Variants in TENM2 observed in about 807,000 individuals in gnomAD.
The protein encoded by TENM2 is teneurin transmembrane protein 2.
TENM2 carries 52 observed loss-of-function variants against 245.2 expected under a neutral mutation model. The ratio of observed to expected loss-of-function variants is 0.21; its 90% CI spans 0.17 to 0.27. The LOEUF (loss-of-function observed/expected upper bound fraction) is 0.27, where lower values mean the gene tolerates loss of function less well. Among genes scored for constraint, TENM2 ranks in the 10% least tolerant of loss-of-function variants. The pLI, the probability that TENM2 is intolerant of heterozygous loss-of-function variation, is 1.00. For synonymous variants in TENM2, 1,363 were observed against 1,438.9 expected (o/e 0.95, Z 1.19); for missense variants, 3,046 against 3,666.8 (o/e 0.83, Z 4.37).
At chr5:167,473,474 C>T (rs149878352) in intron 2 of TENM2, among the ~76,000 whole-genome samples, 1,967 of 152,272 alleles carry the variant, frequency 0.013, 25 homozygotes, top group Non-Finnish European at 0.022. Context: ...AAAGTTCATT[C>T]TCATTCTGAA....
At chr5:167,284,934 C>T (rs1427933560) in exon 1 of TENM2, 40 of 1,551,722 alleles carry the variant, frequency 2.6e-5, no homozygotes, top group South Asian at 3.6e-5. Flanking sequence ...TGAGGACTGC[C>T]GCGTGCCCAC....
intron 2 of TENM2, among the ~76,000 whole-genome samples, chr5:167,749,076 A>T (rs950496778): frequency 6.6e-5 from 10 of 152,190 alleles, no homozygotes; most frequent in African/African-American, 1.9e-4. Context: ...TCATTTTTTT[A>T]AAAAATGAAA....
Position 167,844,681 on chromosome 5 carries a change from G to A in TENM2, c.503-31305G>A, listed in dbSNP as rs142868659. Among the ~76,000 whole-genome samples the A allele has an allele frequency of 2.0e-4, 31 of 152,166 alleles. 1 individual carries two copies. The highest frequency in any genetic ancestry group is 8.5e-4 in the Admixed American group (13 of 15,288). On this transcript the variant is annotated intron_variant, in intron 2 of 28. Coordinates refer to ENST00000518659, the Ensembl canonical transcript of TENM2. ...GCAAATTACTTGGTGGACATTTTCCGTTTAACAATAGATTTCAGACAAACT... is the reference window on the plus strand; with the variant it reads ...GCAAATTACTTGGTGGACATTTTCCATTTAACAATAGATTTCAGACAAACT...
At chr5:167,910,266 G>T (rs939699187) in intron 3 of TENM2, among the ~76,000 whole-genome samples, 1 of 152,032 alleles carries the variant, frequency 6.6e-6, no homozygotes, top group African/African-American at 2.4e-5. Flanking sequence ...TTTCTCAGCG[G>T]TCCTCCAGGC....
At chr5:168,033,917 C>T (rs1025705886) in intron 5 of TENM2, among the ~76,000 whole-genome samples, 2 of 151,938 alleles carry the variant, frequency 1.3e-5, no homozygotes, top group Admixed American at 6.6e-5. Context: ...GTCCCAGCTA[C>T]TCTGGAGGCT....
the TENM2 span, among the ~76,000 whole-genome samples, chr5:167,243,957 T>C: frequency 5.3e-5 from 8 of 152,348 alleles, no homozygotes; most frequent in African/African-American, 1.4e-4. Context: ...CCAGAAATCT[T>C]TGACAGGGGT....
At chr5:167,134,617 G>C in the TENM2 span, among the ~76,000 whole-genome samples, 1 of 152,112 alleles carries the variant, frequency 6.6e-6, no homozygotes, top group African/African-American at 2.4e-5. Context: ...TGGTTTGGTC[G>C]GTTTTGCATA....
chr5:168,237,749 AATT>A (rs1765636949), intron 25 of TENM2, among the ~76,000 whole-genome samples: 1 of 151,632 alleles, frequency 6.6e-6, no homozygotes, highest in Non-Finnish European at 1.5e-5. Context: ...ATTTATATTT[AATT>A]ATTAATATTA....
At position 168,159,411 on chromosome 5, in the gene TENM2, C is replaced by T. The variant is rs372917374; in HGVS notation, c.2423-3200C>T. 3.3e-5 allele frequency among the ~76,000 whole-genome samples: 5 copies of T among 152,236 alleles called. No homozygotes were observed. The East Asian group carries it at 9.7e-4, about 29-fold the overall frequency. ...TCCTATAGGAGACTTCTTGGGTGCC[C>T]CAGTATAAGCCCATTAGCCCAATCC... is the stretch of plus-strand genomic sequence containing the variant. On this transcript the variant is annotated intron_variant, in intron 12 of 28. Transcript: ENST00000518659.
chr5:167,258,224 T>A, the TENM2 span, among the ~76,000 whole-genome samples: 45 of 139,552 alleles, frequency 3.2e-4, 2 homozygotes, highest in South Asian at 0.01. Flanking sequence ...TGTATATATA[T>A]ATGTGTATAT....
intron 7 of TENM2, among the ~76,000 whole-genome samples, chr5:168,064,612 A>G (rs931356942): frequency 2.0e-5 from 3 of 152,216 alleles, no homozygotes; most frequent in Non-Finnish European, 4.4e-5. Context: ...TGGCTACGCC[A>G]CACTGTCCAT....
chr5:168,188,332 A>T (rs1041133860), intron 13 of TENM2, among the ~76,000 whole-genome samples: 1 of 152,176 alleles, frequency 6.6e-6, no homozygotes, highest in African/African-American at 2.4e-5. Flanking sequence ...GGTCCAAAAA[A>T]ATGCCTTGCT....
At chr5:166,988,613 G>T in the TENM2 span, among the ~76,000 whole-genome samples, 2 of 152,164 alleles carry the variant, frequency 1.3e-5, no homozygotes, top group African/African-American at 4.8e-5. Flanking sequence ...ACTAATTCTG[G>T]CTAACGTAGG....
the TENM2 span, among the ~76,000 whole-genome samples, chr5:167,018,138 C>A: frequency 2.6e-5 from 4 of 152,174 alleles, no homozygotes; most frequent in Non-Finnish European, 4.4e-5. Context: ...CACTCAATCA[C>A]ATTCATTAAC....
the TENM2 span, among the ~76,000 whole-genome samples, chr5:167,193,055 C>T: frequency 6.6e-6 from 1 of 151,992 alleles, no homozygotes; most frequent in African/African-American, 2.4e-5. Flanking sequence ...TATGGAATCA[C>T]AGACTGAAAA....
intron 1 of TENM2, among the ~76,000 whole-genome samples, chr5:167,370,742 T>G (rs1760366983): frequency 1.3e-5 from 2 of 152,334 alleles, no homozygotes; most frequent in East Asian, 1.9e-4. Context: ...AGATAGAAGA[T>G]AAATAATACA....
the TENM2 span, among the ~76,000 whole-genome samples, chr5:167,216,174 G>T: frequency 6.6e-6 from 1 of 152,320 alleles, no homozygotes; most frequent in South Asian, 2.1e-4. Context: ...AATGGAAAGC[G>T]AAGGCAGTCA....
At chr5:167,350,749 GATATATACAT>G (rs1225291262) in intron 1 of TENM2, among the ~76,000 whole-genome samples, 5 of 140,306 alleles carry the variant, frequency 3.6e-5, no homozygotes, top group Non-Finnish European at 6.1e-5. Flanking sequence ...ATATATATGG[GATATATACAT>G]ATGGATATAT....
chr5:167,381,564 A>G (rs1164465958), intron 2 of TENM2, among the ~76,000 whole-genome samples: 1 of 152,202 alleles, frequency 6.6e-6, no homozygotes, highest in Non-Finnish European at 1.5e-5. Context: ...TCAAAACATA[A>G]GAAGATTCAG....
Sources: gnomAD v4.1 joint callset for allele counts (sites outside exome capture counted in the v4.1 genomes callset) on GRCh38, gnomAD v4.1.1 for gene constraint, MANE v1.5 for transcripts, NCBI Gene and HGNC (gene_info 2026-07-23, HGNC 2026-07-21) for gene names.